Variants in HS6ST3 observed in about 807,000 individuals in gnomAD.
HS6ST3 encodes heparan-sulfate 6-O-sulfotransferase 3.
A neutral mutation model predicts 36.7 loss-of-function variants in HS6ST3; 12 were observed. The observed-to-expected ratio is 0.33, with a 90% CI of 0.21 to 0.53. The LOEUF (loss-of-function observed/expected upper bound fraction) is 0.53, where lower values mean the gene tolerates loss of function less well. Among genes scored for constraint, HS6ST3 ranks in the 20% least tolerant of loss-of-function variants. The pLI is 0.95. For missense variants in HS6ST3, 584 were observed against 640.9 expected (o/e 0.91, Z 0.96); for synonymous variants, 240 against 257.5 (o/e 0.93, Z 0.65).
chr13:96,245,119 A>AT (rs2054578548), intron 1 of HS6ST3, among the ~76,000 whole-genome samples: 1 of 152,224 alleles, frequency 6.6e-6, no homozygotes. Context: ...GATGATTGAA[A>AT]TCAAGTTTCC....
At chr13:96,316,042 G>T (rs981982367) in intron 1 of HS6ST3, among the ~76,000 whole-genome samples, 2 of 152,056 alleles carry the variant, frequency 1.3e-5, no homozygotes, top group African/African-American at 4.8e-5. Flanking sequence ...GATATTTACA[G>T]TTTGTATTGA....
chr13:96,344,838 G>T (rs1285977126), intron 1 of HS6ST3, among the ~76,000 whole-genome samples: 2 of 152,184 alleles, frequency 1.3e-5, no homozygotes, highest in Non-Finnish European at 2.9e-5. Flanking sequence ...TTATACGAAT[G>T]CCTGTTTTGC....
At chr13:96,512,986 C>T (rs1343861480) in intron 1 of HS6ST3, among the ~76,000 whole-genome samples, 1 of 151,784 alleles carries the variant, frequency 6.6e-6, no homozygotes, top group Non-Finnish European at 1.5e-5. Context: ...ATGTTGTCAT[C>T]CCTTGGTTCT....
chr13:96,340,807 A>G (rs1030229417), intron 1 of HS6ST3, among the ~76,000 whole-genome samples: 3 of 152,238 alleles, frequency 2.0e-5, no homozygotes, highest in African/African-American at 7.2e-5. Context: ...ATGAATATCT[A>G]TTTATCACTA....
intron 1 of HS6ST3, among the ~76,000 whole-genome samples, chr13:96,423,753 C>T (rs1462865335): frequency 6.6e-6 from 1 of 152,000 alleles, no homozygotes; most frequent in Non-Finnish European, 1.5e-5. Flanking sequence ...TGTGATGGTA[C>T]ACTTCCTCTA....
chr13:96,338,346 G>A (rs1484782588), intron 1 of HS6ST3, among the ~76,000 whole-genome samples: 2 of 152,094 alleles, frequency 1.3e-5, no homozygotes, highest in Non-Finnish European at 2.9e-5. Context: ...CAGTATTCGG[G>A]GAGCTACTAA....
intron 1 of HS6ST3, among the ~76,000 whole-genome samples, chr13:96,233,719 A>T (rs745482006): frequency 2.6e-5 from 4 of 152,226 alleles, no homozygotes; most frequent in African/African-American, 4.8e-5. Flanking sequence ...TCAGAAATTA[A>T]ACTTGATAGG....
intron 1 of HS6ST3, among the ~76,000 whole-genome samples, chr13:96,670,208 G>T (rs1408686967): frequency 6.6e-6 from 1 of 152,144 alleles, no homozygotes; most frequent in Non-Finnish European, 1.5e-5. Flanking sequence ...TCAGAAGATG[G>T]GAGTGGCTAG....
chr13:96,522,260 T>C (rs556832189), intron 1 of HS6ST3, among the ~76,000 whole-genome samples: 22 of 152,192 alleles, frequency 1.4e-4, no homozygotes, highest in Non-Finnish European at 2.9e-5. Context: ...GAGGAGTGTT[T>C]TACTTCCAAT....
At chr13:96,334,579 C>A (rs1030166697) in intron 1 of HS6ST3, among the ~76,000 whole-genome samples, 1 of 152,152 alleles carries the variant, frequency 6.6e-6, no homozygotes, top group Non-Finnish European at 1.5e-5. Context: ...TGGGGAGGCC[C>A]CACAATGATG....
chr13:96,122,101 C>G (rs1435971272), intron 1 of HS6ST3, among the ~76,000 whole-genome samples: 1 of 95,680 alleles, frequency 1.0e-5, no homozygotes, highest in Non-Finnish European at 2.2e-5. Flanking sequence ...ATCAAAATAA[C>G]CCTTTCAGGT....
rs1168647372 is a variant in HS6ST3 at position 96,090,958 on chromosome 13, C to T, written c.96C>T (p.Ser32=). 2 of 1,429,132 alleles carry T rather than the reference C, an allele frequency of 1.4e-6. No homozygotes were observed. Among genetic ancestry groups the T allele is most frequent in the East Asian group, 2.9e-5 (1 of 35,000 alleles). 88.5% of individuals were successfully genotyped at this position (1,429,132 alleles called of 1,614,324 possible). A position where few individuals can be genotyped will look rare whatever the true frequency, so the allele number is the denominator to read the frequency against. The change falls in exon 1 of 2, where the codon AGC becomes AGT. Residue 32 remains serine (S), a synonymous_variant. Coordinates refer to ENST00000376705, the MANE Select transcript of HS6ST3 (RefSeq NM_153456.4). ...AGTACGTGTCCCCCTCCTGCACCAG[C>T]TCCTGCACCAACTTCGGGGAGCAGC... ...MYQYVSPSCT[S]SCTNFGEQPR... is the part of the protein sequence containing the mutation.
intron 1 of HS6ST3, among the ~76,000 whole-genome samples, chr13:96,713,789 A>G (rs1221597614): frequency 6.6e-6 from 1 of 152,086 alleles, no homozygotes; most frequent in Admixed American, 6.6e-5. Context: ...ATTAGTTTTT[A>G]TATGTAAATA....
chr13:96,554,241 A>G (rs551292054), intron 1 of HS6ST3, among the ~76,000 whole-genome samples: 11 of 152,336 alleles, frequency 7.2e-5, no homozygotes, highest in Admixed American at 3.3e-4. Flanking sequence ...CATTCAAAAT[A>G]GATAACAGCC....
intron 1 of HS6ST3, among the ~76,000 whole-genome samples, chr13:96,603,295 C>T (rs2056428040): frequency 6.6e-6 from 1 of 152,164 alleles, no homozygotes; most frequent in South Asian, 2.1e-4. Context: ...GTGATTTTGC[C>T]AAACTTTGAA....
At chr13:96,801,197 G>C (rs567647207) in intron 1 of HS6ST3, among the ~76,000 whole-genome samples, 1 of 152,058 alleles carries the variant, frequency 6.6e-6, no homozygotes, top group African/African-American at 2.4e-5. Context: ...CTCCATCTCT[G>C]TGTCCTTGTT....
chr13:96,478,477 G>A (rs2055874839), intron 1 of HS6ST3, among the ~76,000 whole-genome samples: 1 of 152,112 alleles, frequency 6.6e-6, no homozygotes, highest in Non-Finnish European at 1.5e-5. Flanking sequence ...GGGGGGTTAA[G>A]TAAGAGTCCA....
chr13:96,793,746 C>T (rs1216672828), intron 1 of HS6ST3, among the ~76,000 whole-genome samples: 1 of 152,022 alleles, frequency 6.6e-6, no homozygotes, highest in East Asian at 1.9e-4. Flanking sequence ...AATTAAATCT[C>T]TTATACCACA....
In HS6ST3 at chr13:96,383,920, G is replaced by A. The variant is rs562611085; in HGVS notation, c.707+292351G>A. 1.2e-4 allele frequency among the ~76,000 whole-genome samples: 19 copies of A among 152,278 alleles called. No homozygotes were observed. The East Asian group carries it at 3.1e-3, about 25-fold the overall frequency. ...AACCTAAGAAAGCTTCAGCAAGCTG[G>A]GGCAGACTTCCATCCTCCAGAGAAG... On this transcript the variant is annotated intron_variant, in intron 1 of 1. Transcript: ENST00000376705.
Sources: gnomAD v4.1 joint callset for allele counts (sites outside exome capture counted in the v4.1 genomes callset) on GRCh38, gnomAD v4.1.1 for gene constraint, MANE v1.5 for transcripts, NCBI Gene and HGNC (gene_info 2026-07-23, HGNC 2026-07-21) for gene names.